FUT8: variants seen among roughly 807,000 people sequenced by gnomAD.
FUT8 encodes the protein fucosyltransferase 8.
FUT8 carries 29 observed loss-of-function variants against 71.3 expected under a neutral mutation model. The ratio of observed to expected loss-of-function variants is 0.41; its 90% CI spans 0.30 to 0.55. The LOEUF (loss-of-function observed/expected upper bound fraction) is 0.55. FUT8 is among the 20% of genes least tolerant of loss of function. The pLI is 0.34. For synonymous variants in FUT8, 254 were observed against 239.3 expected (o/e 1.06, Z -0.57); for missense variants, 544 against 702.1 (o/e 0.77, Z 2.55).
chr14:65,368,984 T>C, the FUT8 span, among the ~76,000 whole-genome samples: 7 of 151,968 alleles, frequency 4.6e-5, no homozygotes, highest in African/African-American at 1.7e-4. Flanking sequence ...AATGATATAT[T>C]ATGTTTAACC....
intron 2 of FUT8, among the ~76,000 whole-genome samples, chr14:65,484,061 G>A (rs1054524394): frequency 1.3e-5 from 2 of 152,154 alleles, no homozygotes; most frequent in Admixed American, 6.6e-5. Context: ...CATTACTAAT[G>A]TATAAGAATG....
At chr14:65,595,602 C>CTTTTTTTTTTT (rs34129010) in intron 3 of FUT8, among the ~76,000 whole-genome samples, 10 of 81,756 alleles carry the variant, frequency 1.2e-4, no homozygotes, top group East Asian at 3.8e-4. Flanking sequence ...ACACCATTCT[C>CTTTTTTTTTTT]TTTTTTTTTT....
intron 7 of FUT8, among the ~76,000 whole-genome samples, chr14:65,696,476 A>T (rs974507009): frequency 2.0e-5 from 3 of 151,602 alleles, no homozygotes; most frequent in Admixed American, 6.6e-5. Flanking sequence ...GTTTTTCAAA[A>T]TTTTTTTCTG....
chr14:65,407,888 GTTACAGGTT>G (rs2065093687), upstream of FUT8, among the ~76,000 whole-genome samples: 2 of 152,166 alleles, frequency 1.3e-5, no homozygotes, highest in Non-Finnish European at 2.9e-5. Context: ...GGCAATCTGG[GTTACAGGTT>G]GACTTGCTCA....
At chr14:65,532,566 A>G (rs924777105) in intron 2 of FUT8, among the ~76,000 whole-genome samples, 1 of 152,056 alleles carries the variant, frequency 6.6e-6, no homozygotes, top group Non-Finnish European at 1.5e-5. Flanking sequence ...TACAGTTGCA[A>G]AATTTTCTGT....
intron 3 of FUT8, among the ~76,000 whole-genome samples, chr14:65,585,631 T>C (rs995353799): frequency 2.0e-5 from 3 of 152,254 alleles, no homozygotes; most frequent in Admixed American, 6.5e-5. Flanking sequence ...TGATTACTTG[T>C]GTTTTAAAAT....
intron 2 of FUT8, among the ~76,000 whole-genome samples, chr14:65,463,449 G>A (rs1363597691): frequency 4.0e-5 from 6 of 151,638 alleles, no homozygotes; most frequent in African/African-American, 1.2e-4. Context: ...TGCATTTTTT[G>A]TAGAGATGGA....
intron 6 of FUT8, chr14:65,646,183 T>A (rs1012596884): frequency 1.3e-5 from 2 of 152,216 alleles, no homozygotes; most frequent in Non-Finnish European, 2.9e-5. Context: ...TCCCTTAAGC[T>A]TACATTTCAG....
At chr14:65,734,751 A>G (rs1751167732) in intron 10 of FUT8, among the ~76,000 whole-genome samples, 1 of 152,200 alleles carries the variant, frequency 6.6e-6, no homozygotes, top group African/African-American at 2.4e-5. Context: ...TATTGTTACA[A>G]TGAGTGAATC....
rs543543131 is a variant in FUT8 at position 65,413,806 on chromosome 14, A to C, written c.-326+592A>C. The stretch of plus-strand genomic sequence containing the variant: ...GACGAGCTGGCGGCTTTTGAGTATC[A>C]ACTTATTTGGGAAGGTTAAATGAGT... On this transcript the variant is annotated intron_variant, in intron 1 of 10. Coordinates refer to ENST00000673929, the MANE Select transcript of FUT8 (RefSeq NM_001371533.1). The surrounding 1 kb of genome is among the most constrained non-coding windows in gnomAD (Gnocchi z 4.1). 1.3e-5 allele frequency among the ~76,000 whole-genome samples: 2 copies of C among 152,108 alleles called. No homozygotes were observed. Among genetic ancestry groups the C allele is most frequent in the African/African-American group, 4.8e-5 (2 of 41,400 alleles).
intron 2 of FUT8, chr14:65,529,121 T>A (rs1176948313): frequency 1.2e-5 from 2 of 162,012 alleles, no homozygotes; most frequent in Non-Finnish European, 2.9e-5. Context: ...GCACATTGAT[T>A]CTAATCATCT....
Position 65,428,800 on chromosome 14 carries a change from GA to G in FUT8, c.-326+15588del, listed in dbSNP as rs1207129962. On this transcript the variant is annotated intron_variant, in intron 1 of 10. Transcript: ENST00000673929. ...AAGTGATTGAAACTTGTTATGAAGA[GA>G]AGTACAAGACTATATGCTGTTTTAG... Among the ~76,000 whole-genome samples the G allele has an allele frequency of 2.0e-5, 3 of 152,340 alleles. No individual in the cohort carries two copies. In the South Asian group the frequency reaches 6.2e-4, roughly 32 times the overall value.
In FUT8 at chr14:65,638,955, A is replaced by T. The variant is rs1246646424; in HGVS notation, c.597+9349A>T. Reference sequence around the variant, plus strand: ...AAATATTTGCTAAATATTTAATACAACTGGGATGGGCAGAAACCTTCAGAG... The same window carrying T: ...AAATATTTGCTAAATATTTAATACATCTGGGATGGGCAGAAACCTTCAGAG... On this transcript the variant is annotated intron_variant, in intron 6 of 10. Coordinates refer to ENST00000673929, the MANE Select transcript of FUT8 (RefSeq NM_001371533.1). This position sits in a 1 kb window ranked among gnomAD's most constrained non-coding sequence, Gnocchi z 4.5. Among the ~76,000 whole-genome samples the T allele has an allele frequency of 1.3e-5, 2 of 152,220 alleles. No homozygotes were observed. Among genetic ancestry groups the T allele is most frequent in the Non-Finnish European group, 2.9e-5 (2 of 68,026 alleles).
intron 6 of FUT8, among the ~76,000 whole-genome samples, chr14:65,631,691 A>G (rs1890189026): frequency 6.6e-6 from 1 of 151,900 alleles, no homozygotes; most frequent in East Asian, 1.9e-4. Context: ...GTAGAAAAAA[A>G]GTGCTTTGGA....
intron 3 of FUT8, among the ~76,000 whole-genome samples, chr14:65,602,478 C>G (rs1208866513): frequency 6.7e-6 from 1 of 150,130 alleles, no homozygotes; most frequent in Non-Finnish European, 1.5e-5. Context: ...CTGCTATAAA[C>G]ATGCATGTGC....
chr14:65,645,838 A>G (rs1271785316), intron 6 of FUT8: 1 of 152,234 alleles, frequency 6.6e-6, no homozygotes, highest in Admixed American at 6.5e-5. Flanking sequence ...ATCACAGTGC[A>G]ATCTCTCACC....
intron 3 of FUT8, among the ~76,000 whole-genome samples, chr14:65,581,904 G>A (rs143321738): frequency 6.6e-6 from 1 of 152,214 alleles, no homozygotes; most frequent in East Asian, 1.9e-4. Context: ...CATATAAATT[G>A]TGGTTTAAGA....
At chr14:65,452,383 G>T (rs2065840814) in intron 1 of FUT8, among the ~76,000 whole-genome samples, 1 of 152,174 alleles carries the variant, frequency 6.6e-6, no homozygotes, top group Non-Finnish European at 1.5e-5. Flanking sequence ...AGCAGCAAAA[G>T]ACATTGATCC....
At chr14:65,728,146 C>G (rs1303039855) in intron 9 of FUT8, among the ~76,000 whole-genome samples, 1 of 152,210 alleles carries the variant, frequency 6.6e-6, no homozygotes, top group Admixed American at 6.5e-5. Context: ...TCTTCTGAGC[C>G]CTCCAAACTG....
Sources: gnomAD v4.1 joint callset for allele counts (sites outside exome capture counted in the v4.1 genomes callset) on GRCh38, gnomAD v4.1.1 for gene constraint, Gnocchi (gnomAD v3.1) non-coding constraint, MANE v1.5 for transcripts, NCBI Gene and HGNC (gene_info 2026-07-23, HGNC 2026-07-21) for gene names.